Variants in PRPF3 observed in about 807,000 individuals in gnomAD.
PRPF3 encodes the protein pre-mRNA processing factor 3.
In PRPF3, 3 loss-of-function variants were observed where a neutral mutation model predicts 89.2. The observed-to-expected ratio is 0.03, with a 90% CI of 0.02 to 0.09. The LOEUF (loss-of-function observed/expected upper bound fraction) is 0.09, where lower values mean the gene tolerates loss of function less well. Among genes scored for constraint, PRPF3 ranks in the 10% least tolerant of loss-of-function variants. The pLI is 1.00. For missense variants in PRPF3, 463 were observed against 828.8 expected, an observed-to-expected ratio of 0.56 and a Z score of 5.42; for synonymous variants, 270 against 289.1, an observed-to-expected ratio of 0.93 and a Z score of 0.67.
chr1:150,346,232 A>G (rs1658260461), intron 13 of PRPF3, 96 bp downstream of exon 13: 2 of 1,294,390 alleles, frequency 1.5e-6, no homozygotes, highest in Admixed American at 1.7e-5. Context: ...ATCGTATTTT[A>G]GTGCCATACC....
In PRPF3 at chr1:150,325,049, A is replaced by G; in HGVS notation, c.107A>G (p.Asn36Ser). 1 of 1,613,586 alleles carries G rather than the reference A, an allele frequency of 6.2e-7. No homozygotes were observed. Among genetic ancestry groups the G allele is most frequent in the Non-Finnish European group, 8.5e-7 (1 of 1,179,844 alleles). Reference sequence around the variant, plus strand: ...CCTACGGTGGTCACAGCAGCATTGAACTGTGTGGGGAAGGGCATGGACAAG... The same window carrying G: ...CCTACGGTGGTCACAGCAGCATTGAGCTGTGTGGGGAAGGGCATGGACAAG... ...SEPTVVTAAL[N>S]CVGKGMDKKK... is the part of the protein sequence containing the mutation. The change falls in exon 2 of 16, where the codon AAC becomes AGC. Residue 36 changes from asparagine (N) to serine (S), a missense_variant. Transcript: ENST00000324862.
chr1:150,344,856 A>G (rs587706692), intron 12 of PRPF3, among the ~76,000 whole-genome samples: 19 of 151,834 alleles, frequency 1.3e-4, no homozygotes, highest in Middle Eastern at 6.8e-3. Context: ...TTTGAGAACT[A>G]TAAAATATCA....
At chr1:150,350,781 C>T (rs965151629) in intron 15 of PRPF3, among the ~76,000 whole-genome samples, 2 of 151,420 alleles carry the variant, frequency 1.3e-5, no homozygotes, top group Admixed American at 6.6e-5. Context: ...GGCAATATGG[C>T]GAAACCCCGT....
intron 1 of PRPF3, among the ~76,000 whole-genome samples, chr1:150,322,493 C>T (rs977572762): frequency 6.6e-6 from 1 of 152,140 alleles, no homozygotes; most frequent in Non-Finnish European, 1.5e-5. Flanking sequence ...CTGGATATGC[C>T]GCTTTTGTGC....
rs144554358 is a variant in PRPF3 at position 150,332,508 on chromosome 1, T to G, written c.424-176T>G. The stretch of plus-strand genomic sequence containing the variant: ...GCTTTAGGAACATGGGTTGAAAAAT[T>G]CCAGTGCTCACTTATCTTGACTAAA... On this transcript the variant is annotated intron_variant, in intron 4 of 15. Coordinates refer to ENST00000324862, the MANE Select transcript of PRPF3 (RefSeq NM_004698.4). Among the ~76,000 whole-genome samples the G allele has an allele frequency of 3.7e-4, 56 of 152,322 alleles. No homozygotes were observed. In the East Asian group the frequency reaches 0.01, roughly 28 times the overall value.
chr1:150,328,844 C>T (rs933743951), intron 4 of PRPF3, among the ~76,000 whole-genome samples: 8 of 151,754 alleles, frequency 5.3e-5, no homozygotes, highest in Non-Finnish European at 8.8e-5. Context: ...CGAGCCACTG[C>T]GCCCGGCTAA....
At chr1:150,330,946 T>A (rs893258270) in intron 4 of PRPF3, among the ~76,000 whole-genome samples, 15 of 151,868 alleles carry the variant, frequency 9.9e-5, no homozygotes, top group Admixed American at 7.2e-4. Flanking sequence ...CTCGAACTCC[T>A]GACCTCGTGA....
intron 10 of PRPF3, 61 bp from the exon 11 acceptor site, chr1:150,344,101 C>A (rs1658052053): frequency 2.1e-6 from 3 of 1,417,088 alleles, no homozygotes; most frequent in Non-Finnish European, 3.0e-6. Context: ...GAAGAAATAA[C>A]AAGTTACTCC....
intron 9 of PRPF3, among the ~76,000 whole-genome samples, chr1:150,342,489 T>G (rs1657856968): frequency 6.7e-6 from 1 of 149,448 alleles, no homozygotes. Context: ...TTTCTTCATT[T>G]TCTATTTAAA....
intron 2 of PRPF3, 42 bp downstream of exon 2, chr1:150,325,129 A>AC (rs1553863394): frequency 3.7e-6 from 6 of 1,601,946 alleles, no homozygotes; most frequent in Non-Finnish European, 4.3e-6. Flanking sequence ...ATATAGGGTG[A>AC]CCCCAAACAC....
chr1:150,350,296 G>A (rs1257345937), intron 15 of PRPF3, among the ~76,000 whole-genome samples: 1 of 151,532 alleles, frequency 6.6e-6, no homozygotes, highest in Non-Finnish European at 1.5e-5. Flanking sequence ...CCGCCTCCTG[G>A]GTTCAAGTGA....
intron 1 of PRPF3, among the ~76,000 whole-genome samples, chr1:150,321,888 G>A (rs147612220): frequency 6.6e-6 from 1 of 151,992 alleles, no homozygotes; most frequent in African/African-American, 2.4e-5. Context: ...GCGGGGGAGT[G>A]GGGGGCTGCA....
At chr1:150,331,163 G>A (rs1656328075) in intron 4 of PRPF3, among the ~76,000 whole-genome samples, 1 of 152,038 alleles carries the variant, frequency 6.6e-6, no homozygotes, top group Non-Finnish European at 1.5e-5. Context: ...TCAGCCTCCT[G>A]AGTAGCTGAG....
At chr1:150,321,650 G>A (rs1033070652) in intron 1 of PRPF3, 58 bp downstream of exon 1, 2 of 152,738 alleles carry the variant, frequency 1.3e-5, no homozygotes, top group African/African-American at 4.8e-5. Context: ...CTGTGGCCGG[G>A]GACTCAGTCC....
intron 8 of PRPF3, among the ~76,000 whole-genome samples, chr1:150,338,940 C>T (rs1047275111): frequency 6.6e-6 from 1 of 152,104 alleles, no homozygotes; most frequent in African/African-American, 2.4e-5. Context: ...CTCTGTTACA[C>T]ATTGTTGCCT....
In PRPF3 at chr1:150,328,095, AT is replaced by A. The variant is rs1553864290; in HGVS notation, c.277-222del. The A allele has an allele frequency of 5.5e-6, 3 of 545,216 alleles. No individual in the cohort carries two copies. The East Asian group carries it at 9.5e-5, about 17-fold the overall frequency. The allele number at this position is 545,216 out of a possible 1,614,324, so 33.8% of individuals were successfully genotyped here. ...TTTGCAAAGACCTTGAGATGGGAAC[AT>A]TTATAAGAACATGGGAATGAAATTT... On this transcript the variant is annotated intron_variant, in intron 3 of 15. Transcript: ENST00000324862.
chr1:150,349,751 C>T (rs1379377164), intron 15 of PRPF3, among the ~76,000 whole-genome samples: 8 of 152,260 alleles, frequency 5.3e-5, no homozygotes, highest in African/African-American at 1.7e-4. Context: ...GACTGAATCA[C>T]TCTTCAAGTG....
At chr1:150,330,836 T>A (rs1208365200) in intron 4 of PRPF3, among the ~76,000 whole-genome samples, 3 of 147,750 alleles carry the variant, frequency 2.0e-5, no homozygotes, top group African/African-American at 7.5e-5. Context: ...TCTGCCTCAG[T>A]CCCTTGAGTA....
At position 150,324,784 on chromosome 1, in the gene PRPF3, C is replaced by T. The variant is rs1022131537; in HGVS notation, c.-48-111C>T. On this transcript the variant is annotated intron_variant, in intron 1 of 15. Coordinates refer to ENST00000324862, the MANE Select transcript of PRPF3 (RefSeq NM_004698.4). Reference sequence around the variant, plus strand: ...CTGGTCTCGAACTCTTGACCCCAGGCAGTCCATCCACCTTGGCCTCCCAAA... The same window carrying T: ...CTGGTCTCGAACTCTTGACCCCAGGTAGTCCATCCACCTTGGCCTCCCAAA... 2.6e-5 allele frequency: 19 copies of T among 730,518 alleles called. No individual in the cohort carries two copies. In the Admixed American group the frequency reaches 5.1e-4, roughly 20 times the overall value. The allele number at this position is 730,518 out of a possible 1,614,324, so 45.3% of individuals were successfully genotyped here.
Sources: allele counts gnomAD v4.1 joint callset (sites outside exome capture counted in the v4.1 genomes callset), GRCh38; gene constraint gnomAD v4.1.1; transcripts MANE v1.5; gene names NCBI Gene and HGNC (gene_info 2026-07-23, HGNC 2026-07-21).